The following NEK10 variants were observed in gnomAD, a reference collection of about 807,000 sequenced individuals.
NEK10 encodes NIMA related kinase 10, also known as serine/threonine-protein kinase Nek10.
A neutral mutation model predicts 159.8 loss-of-function variants in NEK10; 122 were observed. The observed-to-expected ratio is 0.76, with a 90% CI of 0.66 to 0.89. The LOEUF (loss-of-function observed/expected upper bound fraction) is 0.89, where lower values mean the gene tolerates loss of function less well. NEK10 is among the 40% of genes least tolerant of loss of function. The pLI, the probability that NEK10 is intolerant of heterozygous loss-of-function variation, is 0.00. For missense variants in NEK10, 1,342 were observed against 1,323.1 expected (o/e 1.01, Z -0.22); for synonymous variants, 466 against 457.1 (o/e 1.02, Z -0.25).
chr3:27,157,164 C>A (rs2148787462), intron 30 of NEK10, among the ~76,000 whole-genome samples: 1 of 151,306 alleles, frequency 6.6e-6, no homozygotes, highest in East Asian at 2.0e-4. Context: ...ATAAAATGGA[C>A]TTTGGGGACT....
intron 23 of NEK10, among the ~76,000 whole-genome samples, chr3:27,207,096 A>G (rs1472286401): frequency 6.6e-6 from 1 of 152,172 alleles, no homozygotes. Flanking sequence ...CATCCCAGGG[A>G]ACCTTTCTGA....
At chr3:27,277,496 C>G (rs1264479712) in intron 22 of NEK10, among the ~76,000 whole-genome samples, 1 of 152,130 alleles carries the variant, frequency 6.6e-6, no homozygotes, top group Non-Finnish European at 1.5e-5. Context: ...TGAAAAATCT[C>G]TGAGGATAAG....
intron 1 of NEK10, among the ~76,000 whole-genome samples, chr3:27,365,593 T>C (rs2048998440): frequency 8.1e-6 from 1 of 123,416 alleles, no homozygotes; most frequent in Non-Finnish European, 1.7e-5. Context: ...TTTTGGTTTT[T>C]TGTGTTTTTT....
In NEK10 at chr3:27,166,383, T is replaced by C. The variant is rs565198599; in HGVS notation, c.2832-3645A>G. On this transcript the variant is annotated intron_variant, in intron 29 of 35. Coordinates refer to ENST00000691995, the MANE Select transcript of NEK10 (RefSeq NM_001394966.1). ...CAAAGTGGTCTTACTATGTGTTTTT[T>C]TGTTTGTTTGTTTGTTTGTTTGTTT... is the stretch of plus-strand genomic sequence containing the variant. 2.2e-4 allele frequency among the ~76,000 whole-genome samples: 33 copies of C among 151,000 alleles called. 1 individual carries two copies. In the South Asian group the frequency reaches 6.5e-3, roughly 30 times the overall value.
intron 5 of NEK10, among the ~76,000 whole-genome samples, chr3:27,338,053 T>A (rs2046935952): frequency 6.6e-6 from 1 of 151,710 alleles, no homozygotes. Flanking sequence ...CATCAACTCA[T>A]CATTTACATC....
intron 23 of NEK10, among the ~76,000 whole-genome samples, chr3:27,233,044 A>C (rs1953481658): frequency 1.3e-5 from 2 of 152,128 alleles, no homozygotes; most frequent in Admixed American, 6.6e-5. Context: ...AATGGGACCT[A>C]ATTAAACTAA....
chr3:27,218,569 C>A (rs1162408835), intron 23 of NEK10, among the ~76,000 whole-genome samples: 2 of 144,192 alleles, frequency 1.4e-5, no homozygotes, highest in African/African-American at 5.2e-5. Flanking sequence ...CACGCCACTG[C>A]ACTCCAGCCT....
intron 23 of NEK10, chr3:27,206,493 C>T: frequency 1.4e-6 from 1 of 695,486 alleles, no homozygotes; most frequent in Non-Finnish European, 1.8e-6. Context: ...ATGGTTCCTT[C>T]CTCCCTCTCA....
At chr3:27,260,905 T>C (rs566945792) in intron 22 of NEK10, among the ~76,000 whole-genome samples, 102 of 152,306 alleles carry the variant, frequency 6.7e-4, no homozygotes, top group Non-Finnish European at 1.0e-3. Context: ...CAGAGCCTGT[T>C]ATTGGTCTAT....
Position 27,157,955 on chromosome 3 carries a change from G to A in NEK10, c.2869+4746C>T, listed in dbSNP as rs1230641424. Among the ~76,000 whole-genome samples, 3 of 152,014 alleles carry A rather than the reference G, an allele frequency of 2.0e-5. No individual in the cohort carries two copies. In the East Asian group the frequency reaches 5.8e-4, roughly 29 times the overall value. On this transcript the variant is annotated intron_variant, in intron 30 of 35. Coordinates refer to ENST00000691995, the MANE Select transcript of NEK10 (RefSeq NM_001394966.1). ...ATCTTTAGCACTTTTTAGCAACAAG[G>A]CATTTTTAATTATAGTATATATATT...
intron 20 of NEK10, among the ~76,000 whole-genome samples, chr3:27,286,610 G>A (rs2042634885): frequency 7.5e-6 from 1 of 133,790 alleles, no homozygotes; most frequent in Non-Finnish European, 1.5e-5. Flanking sequence ...GGCTGGTTTC[G>A]AGCCCCTGAC....
chr3:27,340,365 G>T (rs907084864), intron 5 of NEK10, among the ~76,000 whole-genome samples: 1 of 152,156 alleles, frequency 6.6e-6, no homozygotes, highest in African/African-American at 2.4e-5. Flanking sequence ...TGGGTGGTGG[G>T]TGGCAAAAGG....
intron 23 of NEK10, among the ~76,000 whole-genome samples, chr3:27,224,979 G>T: frequency 6.6e-6 from 1 of 152,174 alleles, no homozygotes. Flanking sequence ...TGTTAGTCCA[G>T]GTTCTCTAGA....
chr3:27,144,070 GT>G (rs1944049830), intron 30 of NEK10, among the ~76,000 whole-genome samples: 1 of 152,084 alleles, frequency 6.6e-6, no homozygotes, highest in African/African-American at 2.4e-5. Context: ...CAGTCTGTCC[GT>G]CCTCCCTTCC....
intron 23 of NEK10, among the ~76,000 whole-genome samples, chr3:27,246,341 G>C (rs1020699585): frequency 1.3e-5 from 2 of 151,926 alleles, no homozygotes; most frequent in African/African-American, 4.8e-5. Context: ...ATACTCAATA[G>C]GTATTTTTTC....
Position 27,206,384 on chromosome 3 carries a change from G to A in NEK10, c.2091-3827C>T, listed in dbSNP as rs150864202. Among the ~76,000 whole-genome samples, 822 of 152,274 alleles carry A rather than the reference G, an allele frequency of 5.4e-3. 3 individuals carry two copies. Among genetic ancestry groups the A allele is most frequent in the Non-Finnish European group, 9.0e-3 (614 of 68,026 alleles). ...AAATAACTTAAAAGTAAATGATGTTGTATTTTAATAAGTGAAAAATGCTAT... is the reference window on the plus strand; with the variant it reads ...AAATAACTTAAAAGTAAATGATGTTATATTTTAATAAGTGAAAAATGCTAT... On this transcript the variant is annotated intron_variant, in intron 23 of 35. Transcript: ENST00000691995.
chr3:27,197,365 G>A (rs552428264), intron 25 of NEK10, among the ~76,000 whole-genome samples: 1 of 151,864 alleles, frequency 6.6e-6, no homozygotes, highest in African/African-American at 2.4e-5. Context: ...TAATAGAGAT[G>A]GGGTTTCACC....
intron 29 of NEK10, among the ~76,000 whole-genome samples, chr3:27,168,497 TG>T (rs764853291): frequency 1.3e-5 from 2 of 152,212 alleles, no homozygotes; most frequent in Non-Finnish European, 2.9e-5. Context: ...AAATACATTT[TG>T]GGATTGTCTC....
chr3:27,338,554 A>T (rs2046976833), intron 5 of NEK10, among the ~76,000 whole-genome samples: 1 of 152,248 alleles, frequency 6.6e-6, no homozygotes, highest in African/African-American at 2.4e-5. Context: ...TCCCACCAAC[A>T]GTGTAAAAGT....
Sources: gnomAD v4.1 joint callset for allele counts (sites outside exome capture counted in the v4.1 genomes callset) on GRCh38, gnomAD v4.1.1 for gene constraint, MANE v1.5 for transcripts, NCBI Gene and HGNC (gene_info 2026-07-23, HGNC 2026-07-21) for gene names.